Variants in SEC22A observed in about 807,000 individuals in gnomAD.
The protein encoded by SEC22A is vesicle-trafficking protein SEC22a.
In SEC22A, 22 loss-of-function variants were observed where a neutral mutation model predicts 35.3. The observed-to-expected ratio is 0.62, with a 90% CI of 0.45 to 0.89. SEC22A has a LOEUF of 0.89. SEC22A is among the 40% of genes least tolerant of loss of function. The pLI is 0.00. For synonymous variants in SEC22A, 119 were observed against 129.5 expected (o/e 0.92, Z 0.55); for missense variants, 354 against 362.5 (o/e 0.98, Z 0.19).
At chr3:123,257,621 C>T (rs1937762706) in intron 5 of SEC22A, among the ~76,000 whole-genome samples, 1 of 151,972 alleles carries the variant, frequency 6.6e-6, no homozygotes, top group South Asian at 2.1e-4. Context: ...ATCGCTTGAA[C>T]CTGGGAAGCA....
chr3:123,259,615 A>G (rs1228124003), intron 6 of SEC22A, 26 bp downstream of exon 6: 6 of 1,506,674 alleles, frequency 4.0e-6, no homozygotes, highest in Non-Finnish European at 5.5e-6. Context: ...TTTTAAAGAA[A>G]CACTTACCAT....
At chr3:123,266,160 G>A (rs1938020803) in intron 6 of SEC22A, among the ~76,000 whole-genome samples, 1 of 151,940 alleles carries the variant, frequency 6.6e-6, no homozygotes, top group South Asian at 2.1e-4. Context: ...TTTCATTCCT[G>A]ATAATGGTAA....
At chr3:123,269,625 ATTTTTTTT>A (rs35895285) in intron 6 of SEC22A, among the ~76,000 whole-genome samples, 3 of 89,484 alleles carry the variant, frequency 3.4e-5, no homozygotes, top group East Asian at 3.0e-4. Context: ...AAGGACATGA[ATTTTTTTT>A]TTTTTTTTTT....
In SEC22A at chr3:123,272,002, G is replaced by A. The variant is rs1179241377; in HGVS notation, c.*280G>A. 9 of 436,280 alleles carry A rather than the reference G, an allele frequency of 2.1e-5. No homozygotes were observed. The highest frequency in any genetic ancestry group is 3.3e-5 in the Non-Finnish European group (8 of 239,834). The allele number at this position is 436,280 out of a possible 1,614,324, so 27.0% of individuals were successfully genotyped here. A position where few individuals can be genotyped will look rare whatever the true frequency, so the allele number is the denominator to read the frequency against. ...CATATGCCATTGGAAGTCTTGGCCA[G>A]CAGTCCTGAATCCTTCCTGAAGAGT... On this transcript the variant is annotated 3_prime_UTR_variant, in exon 7 of 7. Coordinates refer to ENST00000492595, the MANE Select transcript of SEC22A (RefSeq NM_012430.5).
In SEC22A at chr3:123,273,056, G is replaced by A. The variant is rs6788538; in HGVS notation, c.*1334G>A. On this transcript the variant is annotated 3_prime_UTR_variant, in exon 7 of 7. Transcript: ENST00000492595. The stretch of plus-strand genomic sequence containing the variant: ...CATGGTTTTGGAAGTCATCTTCATG[G>A]GTGATTTTCCTTTGTTTTTTAAAGA... The A allele has an allele frequency of 0.23, 35,405 of 153,604 alleles. 4,336 individuals carry two copies. Among genetic ancestry groups the A allele is most frequent in the African/African-American group, 0.31 (12,773 of 41,494 alleles). The allele number at this position is 153,604 out of a possible 1,614,324, so 9.5% of individuals were successfully genotyped here. A position where few individuals can be genotyped will look rare whatever the true frequency, so the allele number is the denominator to read the frequency against.
At position 123,225,380 on chromosome 3, in the gene SEC22A, C is replaced by G. The variant is rs1219608695; in HGVS notation, c.541+83C>G. 3.7e-6 allele frequency: 3 copies of G among 809,656 alleles called. No homozygotes were observed. The East Asian group carries it at 7.7e-5, about 21-fold the overall frequency. 50.2% of individuals were successfully genotyped at this position (809,656 alleles called of 1,614,324 possible). A position where few individuals can be genotyped will look rare whatever the true frequency, so the allele number is the denominator to read the frequency against. On this transcript the variant is annotated intron_variant, in intron 4 of 6. Transcript: ENST00000492595. The stretch of plus-strand genomic sequence containing the variant: ...ACTCTTGAAAATGAATTACTTTATT[C>G]TAATATTTTAAATCAAGTACATGAG...
chr3:123,222,719 G>A (rs966699511), intron 2 of SEC22A, among the ~76,000 whole-genome samples: 2 of 152,248 alleles, frequency 1.3e-5, no homozygotes, highest in South Asian at 4.2e-4. Flanking sequence ...CATCTAACAT[G>A]AATGATGTTA....
chr3:123,273,808 C>CAAAAAAAAAAAAAAAAAAAAAAAAAAAA lies in SEC22A; in HGVS notation c.*2092_*2093insAAAAAAAAAAAAAAAAAAAAAAAAAAAA, dbSNP rs1433321578. The CAAAAAAAAAAAAAAAAAAAAAAAAAAAA allele has an allele frequency of 2.0e-5, 3 of 151,742 alleles. No individual in the cohort carries two copies. The highest frequency in any genetic ancestry group is 7.3e-5 in the African/African-American group (3 of 41,152). 9.4% of individuals were successfully genotyped at this position (151,742 alleles called of 1,614,324 possible). On this transcript the variant is annotated 3_prime_UTR_variant, in exon 7 of 7. Transcript: ENST00000492595. ...TGGCCAACAGAGCGAGACTCTGTCT[C>CAAAAAAAAAAAAAAAAAAAAAAAAAAAA]AAAAAAGAAAGGTTTTCTAAACTAA... is the stretch of plus-strand genomic sequence containing the variant.
intron 5 of SEC22A, among the ~76,000 whole-genome samples, chr3:123,255,527 A>T (rs977278532): frequency 7.2e-5 from 11 of 152,172 alleles, no homozygotes; most frequent in Non-Finnish European, 1.5e-4. Flanking sequence ...TTCAAAGCCT[A>T]TAAGAGTTGA....
intron 4 of SEC22A, among the ~76,000 whole-genome samples, chr3:123,234,937 G>T (rs529531531): frequency 6.6e-6 from 1 of 151,828 alleles, no homozygotes; most frequent in African/African-American, 2.4e-5. Context: ...GTGGGAGGAC[G>T]GCTTGAGCCT....
intron 2 of SEC22A, among the ~76,000 whole-genome samples, chr3:123,213,933 C>A (rs981217995): frequency 1.1e-4 from 17 of 152,138 alleles, no homozygotes; most frequent in Non-Finnish European, 2.9e-5. Context: ...CCTGTAATCC[C>A]AGCACTTTGG....
At chr3:123,217,509 G>A (rs549322010) in intron 2 of SEC22A, among the ~76,000 whole-genome samples, 35 of 150,896 alleles carry the variant, frequency 2.3e-4, no homozygotes, top group Non-Finnish European at 3.8e-4. Context: ...CACCGCACCC[G>A]GCCCAAAACA....
chr3:123,260,552 CA>C (rs1175187201), intron 6 of SEC22A, among the ~76,000 whole-genome samples: 1 of 152,162 alleles, frequency 6.6e-6, no homozygotes, highest in Admixed American at 6.5e-5. Flanking sequence ...AGGAGGCACA[CA>C]TTTGTAGGAA....
At chr3:123,206,023 A>C (rs186740018) in intron 1 of SEC22A, among the ~76,000 whole-genome samples, 114 of 152,368 alleles carry the variant, frequency 7.5e-4, no homozygotes, top group African/African-American at 2.7e-3. Context: ...TGAAGACTAC[A>C]TGAAATTTGG....
chr3:123,238,463 T>G (rs1394125938), intron 4 of SEC22A, among the ~76,000 whole-genome samples: 2 of 152,222 alleles, frequency 1.3e-5, no homozygotes, highest in African/African-American at 2.4e-5. Flanking sequence ...CCCAAAGTGC[T>G]GGGATTACAG....
In SEC22A at chr3:123,223,712, C is replaced by A. The variant is rs745997982; in HGVS notation, c.336C>A (p.Phe112Leu). ...KTNTAVRPYC[F>L]IEFDNFIQRT... is the part of the protein sequence containing the mutation. ...ATACTGCTGTCAGACCATACTGTTT[C>A]ATTGAATTTGGTAAGGGCCTGATTT... The change falls in exon 3 of 7, where the codon TTC becomes TTA. Residue 112 changes from phenylalanine to leucine, a missense_variant. Physicochemically the swap from Phe to Leu is conservative, Grantham distance 22. Coordinates refer to ENST00000492595, the MANE Select transcript of SEC22A (RefSeq NM_012430.5). 4.3e-5 allele frequency: 70 copies of A among 1,610,816 alleles called. No homozygotes were observed.
intron 1 of SEC22A, among the ~76,000 whole-genome samples, chr3:123,202,744 T>A (rs1284376799): frequency 6.6e-6 from 1 of 152,078 alleles, no homozygotes; most frequent in Non-Finnish European, 1.5e-5. Flanking sequence ...TGAGAACCAG[T>A]CCCTCCTATG....
At chr3:123,204,885 C>G (rs960923086) in intron 1 of SEC22A, 1 of 152,156 alleles carries the variant, frequency 6.6e-6, no homozygotes, top group African/African-American at 2.4e-5. Flanking sequence ...CTAAATCTTC[C>G]CATGCAATTG....
Position 123,271,704 on chromosome 3 carries a change from T to C in SEC22A, c.906T>C (p.Ala302=), listed in dbSNP as rs1938167626. The change falls in exon 7 of 7, where the codon GCT becomes GCC. Residue 302 remains alanine, a synonymous_variant. Coordinates refer to ENST00000492595, the MANE Select transcript of SEC22A (RefSeq NM_012430.5). ...QIWLRQAQGK[A]PDYDV is the part of the protein sequence containing the mutation. ...GGCTAAGGCAAGCCCAGGGCAAGGC[T>C]CCCGATTATGATGTCTGACACCATC... The C allele has an allele frequency of 6.2e-7, 1 of 1,613,920 alleles. No homozygotes were observed. Among genetic ancestry groups the C allele is most frequent in the Non-Finnish European group, 8.5e-7 (1 of 1,179,936 alleles).
Sources: gnomAD v4.1 joint callset for allele counts (sites outside exome capture counted in the v4.1 genomes callset) on GRCh38, gnomAD v4.1.1 for gene constraint, MANE v1.5 for transcripts, NCBI Gene and HGNC (gene_info 2026-07-23, HGNC 2026-07-21) for gene names.